The following UGCG variants were observed in gnomAD, a reference collection of about 807,000 sequenced individuals.
UGCG encodes the protein UDP-glucose ceramide glucosyltransferase.
Under a neutral mutation model 49.5 loss-of-function variants are expected in UGCG, and 10 were observed. The ratio of observed to expected loss-of-function variants is 0.20; its 90% CI spans 0.12 to 0.34. UGCG has a LOEUF of 0.34. UGCG is among the 10% of genes least tolerant of loss of function. The probability of loss-of-function intolerance (pLI) is 1.00; values close to 1 mark genes in which losing one functional copy is unlikely to be tolerated. For synonymous variants in UGCG, 182 were observed against 158.2 expected (o/e 1.15, Z -1.13); for missense variants, 312 against 483.7 (o/e 0.65, Z 3.33).
At chr9:111,928,356 T>G (rs1358413914) in intron 5 of UGCG, among the ~76,000 whole-genome samples, 5 of 152,210 alleles carry the variant, frequency 3.3e-5, no homozygotes, top group Non-Finnish European at 7.4e-5. Context: ...ATTTTTGTCT[T>G]AGAAATATCC....
At chr9:111,903,420 C>G (rs965154923) in intron 1 of UGCG, among the ~76,000 whole-genome samples, 2 of 150,766 alleles carry the variant, frequency 1.3e-5, no homozygotes, top group African/African-American at 4.9e-5. Flanking sequence ...CAAAAATTAG[C>G]TGGGTGTGGT....
chr9:111,921,120 T>G (rs1008996271), intron 2 of UGCG, among the ~76,000 whole-genome samples: 18 of 151,854 alleles, frequency 1.2e-4, no homozygotes, highest in Non-Finnish European at 2.7e-4. Context: ...CCCAGGCTGG[T>G]CTCAAAAACT....
chr9:111,900,777 G>A (rs899081942), intron 1 of UGCG, among the ~76,000 whole-genome samples: 2 of 152,102 alleles, frequency 1.3e-5, no homozygotes, highest in Non-Finnish European at 1.5e-5. Flanking sequence ...ACAGGTGTGA[G>A]CCATCATGCC....
chr9:111,924,344 G>A (rs1838280101), intron 3 of UGCG, among the ~76,000 whole-genome samples: 1 of 152,086 alleles, frequency 6.6e-6, no homozygotes, highest in Admixed American at 6.5e-5. Context: ...TATTCATGGT[G>A]GGAAATCTCT....
At chr9:111,916,489 A>G (rs1212148140) in intron 2 of UGCG, among the ~76,000 whole-genome samples, 2 of 152,118 alleles carry the variant, frequency 1.3e-5, no homozygotes, top group African/African-American at 2.4e-5. Flanking sequence ...TTTGTTTTTA[A>G]GACAGTATCT....
At chr9:111,922,051 A>G (rs995162170) in intron 2 of UGCG, among the ~76,000 whole-genome samples, 4 of 151,524 alleles carry the variant, frequency 2.6e-5, no homozygotes, top group African/African-American at 7.3e-5. Context: ...AGGCTCTAGC[A>G]GTCTTCCCAC....
chr9:111,918,857 G>A (rs1236669556), intron 2 of UGCG, among the ~76,000 whole-genome samples: 5 of 151,168 alleles, frequency 3.3e-5, no homozygotes, highest in Non-Finnish European at 5.9e-5. Flanking sequence ...CCTGGAAGGC[G>A]GAGCTTGCAG....
intron 7 of UGCG, 43 bp downstream of exon 7, chr9:111,931,400 TG>T (rs1838422253): frequency 6.3e-7 from 1 of 1,581,304 alleles, no homozygotes; most frequent in South Asian, 1.1e-5. Flanking sequence ...AAAAGGAAAG[TG>T]GGGAGGGGGG....
chr9:111,907,653 C>A (rs1422271653), intron 1 of UGCG, among the ~76,000 whole-genome samples: 1 of 137,562 alleles, frequency 7.3e-6, no homozygotes, highest in Non-Finnish European at 1.5e-5. Flanking sequence ...GAGATGGAAT[C>A]TTGCTCTGTT....
At chr9:111,929,453 T>C in intron 5 of UGCG, 47 bp from the exon 6 acceptor site, 5 of 1,569,480 alleles carry the variant, frequency 3.2e-6, no homozygotes, top group Non-Finnish European at 4.3e-6. Context: ...AACACCATGC[T>C]TTTAACATGA....
At chr9:111,931,555 A>G (rs1384370898) in intron 7 of UGCG, among the ~76,000 whole-genome samples, 198 bp downstream of exon 7, 1 of 152,234 alleles carries the variant, frequency 6.6e-6, no homozygotes, top group Non-Finnish European at 1.5e-5. Context: ...TATAACACTG[A>G]AAGCACTCAT....
intron 1 of UGCG, among the ~76,000 whole-genome samples, chr9:111,898,396 T>G (rs1452791980): frequency 2.0e-5 from 3 of 149,756 alleles, no homozygotes; most frequent in East Asian, 1.9e-4. Flanking sequence ...GTTTTTTGGT[T>G]TTTTTTTTTT....
intron 2 of UGCG, among the ~76,000 whole-genome samples, chr9:111,920,837 T>C (rs183745531): frequency 2.6e-5 from 4 of 152,330 alleles, no homozygotes; most frequent in Admixed American, 2.6e-4. Context: ...AGCTTTGTTA[T>C]GTTTTCATGG....
chr9:111,924,298 ATTAAG>A (rs1410126623), intron 3 of UGCG, among the ~76,000 whole-genome samples: 29 of 152,212 alleles, frequency 1.9e-4, no homozygotes, highest in Admixed American at 1.9e-3. Flanking sequence ...GAATAGCTAA[ATTAAG>A]TTAATTAACA....
At chr9:111,916,948 C>T (rs572550470) in intron 2 of UGCG, among the ~76,000 whole-genome samples, 4 of 151,464 alleles carry the variant, frequency 2.6e-5, no homozygotes, top group Admixed American at 1.3e-4. Flanking sequence ...TGTTCAAGAC[C>T]AGCCTGGGCA....
chr9:111,929,382 G>A, intron 5 of UGCG, 118 bp from the exon 6 acceptor site: 1 of 1,068,570 alleles, frequency 9.4e-7, no homozygotes, highest in South Asian at 1.9e-5. Flanking sequence ...GTCTACGTAA[G>A]AATAATAAGA....
chr9:111,919,679 C>T lies in UGCG; in HGVS notation c.241-3170C>T, dbSNP rs538560478. On this transcript the variant is annotated intron_variant, in intron 2 of 8. Coordinates refer to ENST00000374279, the MANE Select transcript of UGCG (RefSeq NM_003358.3). ...GCGTGGTGGCGGATGCCTGTAGTCCCAGCTACTCGGGAGGCTGAGGCAGGA... is the reference window on the plus strand; with the variant it reads ...GCGTGGTGGCGGATGCCTGTAGTCCTAGCTACTCGGGAGGCTGAGGCAGGA... Among the ~76,000 whole-genome samples the T allele has an allele frequency of 2.0e-5, 3 of 150,790 alleles. No homozygotes were observed. The South Asian group carries it at 6.3e-4, about 32-fold the overall frequency.
rs1038718347 is a variant in UGCG at position 111,933,769 on chromosome 9, A to C, written c.*772A>C. ...TTGGTTCTGTCTTGAACCATTGTTAATCACTGTGCTGTAATTAGTATAGCT... is the reference window on the plus strand; with the variant it reads ...TTGGTTCTGTCTTGAACCATTGTTACTCACTGTGCTGTAATTAGTATAGCT... On this transcript the variant is annotated 3_prime_UTR_variant, in exon 9 of 9. Coordinates refer to ENST00000374279, the MANE Select transcript of UGCG (RefSeq NM_003358.3). 5 of 152,124 alleles carry C rather than the reference A, an allele frequency of 3.3e-5. No homozygotes were observed. Among genetic ancestry groups the C allele is most frequent in the Non-Finnish European group, 7.4e-5 (5 of 68,026 alleles). The allele number at this position is 152,124 out of a possible 1,614,324, so 9.4% of individuals were successfully genotyped here.
intron 1 of UGCG, among the ~76,000 whole-genome samples, chr9:111,899,658 G>C (rs1326893863): frequency 6.6e-6 from 1 of 151,918 alleles, no homozygotes; most frequent in Non-Finnish European, 1.5e-5. Flanking sequence ...TTCTAACTCT[G>C]TTATAATTTT....
Sources: allele counts gnomAD v4.1 joint callset (sites outside exome capture counted in the v4.1 genomes callset), GRCh38; gene constraint gnomAD v4.1.1; transcripts MANE v1.5; gene names NCBI Gene and HGNC (gene_info 2026-07-23, HGNC 2026-07-21).